Variants in DGKI observed in about 807,000 individuals in gnomAD.
DGKI encodes diacylglycerol kinase iota, also known as DAG kinase iota.
DGKI carries 55 observed loss-of-function variants against 147.5 expected under a neutral mutation model. The ratio of observed to expected loss-of-function variants is 0.37; its 90% CI spans 0.30 to 0.47. DGKI has a LOEUF of 0.47. Ranked by LOEUF, DGKI falls within the 20% of genes least tolerant of loss-of-function variation. DGKI has a pLI of 1.00. For missense variants in DGKI, 1,007 were observed against 1,323.8 expected (o/e 0.76, Z 3.71); for synonymous variants, 469 against 477.1 (o/e 0.98, Z 0.22).
At chr7:137,464,134 G>A (rs566687451) in intron 26 of DGKI, among the ~76,000 whole-genome samples, 2 of 151,774 alleles carry the variant, frequency 1.3e-5, no homozygotes, top group Admixed American at 1.3e-4. Context: ...GCAGGCGCCT[G>A]TAGTCCCAGC....
intron 1 of DGKI, among the ~76,000 whole-genome samples, chr7:137,799,636 C>T (rs947575659): frequency 1.3e-5 from 2 of 152,158 alleles, no homozygotes; most frequent in African/African-American, 4.8e-5. Context: ...CCATTTTGGG[C>T]TGGATTGGTT....
intron 1 of DGKI, among the ~76,000 whole-genome samples, chr7:137,744,794 T>C (rs1275977711): frequency 6.6e-6 from 1 of 152,140 alleles, no homozygotes; most frequent in African/African-American, 2.4e-5. Context: ...AACAAAACCA[T>C]GTGATCATCT....
At chr7:137,635,231 T>C (rs73461039) in intron 6 of DGKI, among the ~76,000 whole-genome samples, 4,308 of 152,208 alleles carry the variant, frequency 0.028, 223 homozygotes, top group African/African-American at 0.099. Context: ...GTGGGTCCAA[T>C]AGCATGGGTG....
At chr7:137,678,673 T>C (rs1823124444) in intron 2 of DGKI, 21 bp from the exon 3 acceptor site, 2 of 1,608,726 alleles carry the variant, frequency 1.2e-6, no homozygotes, top group African/African-American at 1.3e-5. Context: ...AAGACCCACC[T>C]GACATCAATT....
In DGKI at chr7:137,381,365, T is replaced by G. The variant is rs1458425219; in HGVS notation, c.*9855A>C. 1 of 133,184 alleles carries G rather than the reference T, an allele frequency of 7.5e-6. No homozygotes were observed. Among genetic ancestry groups the G allele is most frequent in the Non-Finnish European group, 1.5e-5 (1 of 64,840 alleles). The allele number at this position is 133,184 out of a possible 1,614,324, so 8.3% of individuals were successfully genotyped here. ...TTTACCTGGAAATAAAACTTTAATC[T>G]TTCTACTGCCACAGCTGCTACTTGT... On this transcript the variant is annotated 3_prime_UTR_variant, in exon 33 of 33. Coordinates refer to ENST00000614521, the MANE Select transcript of DGKI (RefSeq NM_001321708.2).
chr7:137,433,930 C>T (rs1813180158), intron 28 of DGKI, among the ~76,000 whole-genome samples: 1 of 152,036 alleles, frequency 6.6e-6, no homozygotes, highest in African/African-American at 2.4e-5. Context: ...CCAGCCTGGC[C>T]AACATGGTGA....
In DGKI at chr7:137,401,993, C is replaced by T. The variant is rs944647365; in HGVS notation, c.2921-4580G>A. 6.6e-5 allele frequency among the ~76,000 whole-genome samples: 10 copies of T among 152,188 alleles called. 1 individual carries two copies. The highest frequency in any genetic ancestry group is 2.4e-4 in the African/African-American group (10 of 41,434). ...GTATTAGGAATATGGAGGACACAGA[C>T]CATCTCTCACGTATGGATGAGTTTT... is the stretch of plus-strand genomic sequence containing the variant. On this transcript the variant is annotated intron_variant, in intron 30 of 32. Transcript: ENST00000614521.
In DGKI at chr7:137,388,557, C is replaced by G. The variant is rs1366479802; in HGVS notation, c.*2663G>C. Reference sequence around the variant, plus strand: ...ACTAGATCACTTGCTTTCCTGATGTCCTAATAGTAGGGATACAATATACTT... The same window carrying G: ...ACTAGATCACTTGCTTTCCTGATGTGCTAATAGTAGGGATACAATATACTT... On this transcript the variant is annotated 3_prime_UTR_variant, in exon 33 of 33. Coordinates refer to ENST00000614521, the MANE Select transcript of DGKI (RefSeq NM_001321708.2). 6.6e-6 allele frequency: 1 copy of G among 152,082 alleles called. No individual in the cohort carries two copies. Among genetic ancestry groups the G allele is most frequent in the Non-Finnish European group, 1.5e-5 (1 of 68,020 alleles). The allele number at this position is 152,082 out of a possible 1,614,324, so 9.4% of individuals were successfully genotyped here.
At chr7:137,750,917 G>T (rs145461630) in intron 1 of DGKI, among the ~76,000 whole-genome samples, 8 of 152,270 alleles carry the variant, frequency 5.3e-5, no homozygotes, top group Non-Finnish European at 7.4e-5. Flanking sequence ...AGACCTGGAA[G>T]TCAGAAGTCC....
At chr7:137,544,558 A>T (rs1817805916) in intron 20 of DGKI, among the ~76,000 whole-genome samples, 1 of 152,190 alleles carries the variant, frequency 6.6e-6, no homozygotes, top group Non-Finnish European at 1.5e-5. Flanking sequence ...ATAATAAGTA[A>T]ATTAGTATCC....
chr7:137,435,172 G>GC (rs1426715665), intron 28 of DGKI, among the ~76,000 whole-genome samples: 1 of 152,194 alleles, frequency 6.6e-6, no homozygotes, highest in Non-Finnish European at 1.5e-5. Context: ...AATCAGTTCT[G>GC]TGCCAGGGCA....
chr7:137,759,209 C>A (rs1795778613), intron 1 of DGKI, among the ~76,000 whole-genome samples: 1 of 152,136 alleles, frequency 6.6e-6, no homozygotes, highest in African/African-American at 2.4e-5. Flanking sequence ...TGACAACACA[C>A]AATATTTGAT....
chr7:137,744,215 A>G (rs1795261596), intron 1 of DGKI, among the ~76,000 whole-genome samples: 1 of 152,146 alleles, frequency 6.6e-6, no homozygotes, highest in Non-Finnish European at 1.5e-5. Flanking sequence ...ATCACAACCG[A>G]TCCCACAGAA....
intron 15 of DGKI, among the ~76,000 whole-genome samples, chr7:137,579,553 T>C (rs1419118183): frequency 3.3e-5 from 5 of 152,074 alleles, no homozygotes; most frequent in African/African-American, 1.2e-4. Context: ...GAAAAGTCCA[T>C]ACCTCTGGTC....
chr7:137,840,636 T>C, intron 1 of DGKI, among the ~76,000 whole-genome samples: 1 of 152,340 alleles, frequency 6.6e-6, no homozygotes, highest in South Asian at 2.1e-4. Context: ...AAATGGCTGA[T>C]GCAGGTACGC....
At chr7:137,504,118 C>T (rs1202574271) in intron 21 of DGKI, among the ~76,000 whole-genome samples, 1 of 152,126 alleles carries the variant, frequency 6.6e-6, no homozygotes, top group Non-Finnish European at 1.5e-5. Flanking sequence ...ACACTAAGTC[C>T]ATGTGAAAGT....
intron 20 of DGKI, among the ~76,000 whole-genome samples, chr7:137,529,908 C>A (rs968401885): frequency 6.6e-6 from 1 of 152,094 alleles, no homozygotes; most frequent in Non-Finnish European, 1.5e-5. Flanking sequence ...TGCCAATACA[C>A]CCAGTTAATT....
At position 137,782,108 on chromosome 7, in the gene DGKI, C is replaced by T. The variant is rs191950279; in HGVS notation, c.401+64354G>A. Among the ~76,000 whole-genome samples the T allele has an allele frequency of 3.6e-4, 55 of 152,230 alleles. No homozygotes were observed. In the East Asian group the frequency reaches 8.7e-3, roughly 24 times the overall value. On this transcript the variant is annotated intron_variant, in intron 1 of 32. Coordinates refer to ENST00000614521, the MANE Select transcript of DGKI (RefSeq NM_001321708.2). The stretch of plus-strand genomic sequence containing the variant: ...AAAATCCACAGACCCTTTCAAGTAA[C>T]GAACTAGATCACCTCTGCAGACTCC...
intron 19 of DGKI, among the ~76,000 whole-genome samples, chr7:137,557,068 G>C (rs190780457): frequency 6.6e-6 from 1 of 152,196 alleles, no homozygotes; most frequent in East Asian, 1.9e-4. Flanking sequence ...ACTGCTCCCT[G>C]GGTCTCTAGC....
Sources: gnomAD v4.1 joint callset for allele counts (sites outside exome capture counted in the v4.1 genomes callset) on GRCh38, gnomAD v4.1.1 for gene constraint, MANE v1.5 for transcripts, NCBI Gene and HGNC (gene_info 2026-07-23, HGNC 2026-07-21) for gene names.